KARS1: variants seen among roughly 807,000 people sequenced by gnomAD.
KARS1 encodes the protein lysyl-tRNA synthetase 1, also known as lysine--tRNA ligase.
Under a neutral mutation model 63.9 loss-of-function variants are expected in KARS1, and 50 were observed. The observed-to-expected ratio is 0.78, with a 90% CI of 0.62 to 0.99. The LOEUF (loss-of-function observed/expected upper bound fraction) is 0.99. Among genes scored for constraint, KARS1 ranks in the 50% least tolerant of loss-of-function variants. The probability of loss-of-function intolerance (pLI) is 0.00; values close to 1 mark genes in which losing one functional copy is unlikely to be tolerated. For missense variants in KARS1, 816 were observed against 754.5 expected (o/e 1.08, Z -0.95); for synonymous variants, 320 against 264.6 (o/e 1.21, Z -2.03).
chr16:75,640,293 G>C lies in KARS1; in HGVS notation c.279C>G (p.Asp93Glu). Residue 93 changes from aspartate to glutamate, a missense_variant, in exon 3 of 14, where the codon GAC (aspartate) becomes GAG (glutamate). Transcript: ENST00000302445. ...CTACATGGAACTTGTGTGGGTATGGGTCTTCCCCATTGACCTTCAGCTGAT... is the reference window on the plus strand; with the variant it reads ...CTACATGGAACTTGTGTGGGTATGGCTCTTCCCCATTGACCTTCAGCTGAT... The part of the protein sequence containing the change: ...AIHQLKVNGE[D>E]PYPHKFHVDI... The C allele has an allele frequency of 6.2e-7, 1 of 1,613,102 alleles. No homozygotes were observed. The highest frequency in any genetic ancestry group is 2.2e-5 in the East Asian group (1 of 44,796).
At chr16:75,633,691 T>A (rs1272978265) in intron 7 of KARS1, among the ~76,000 whole-genome samples, 1 of 152,130 alleles carries the variant, frequency 6.6e-6, no homozygotes, top group African/African-American at 2.4e-5. Context: ...CTAATTTTTG[T>A]ATTTTTGTAG....
chr16:75,633,299 T>C (rs947387924), intron 7 of KARS1, among the ~76,000 whole-genome samples: 5 of 152,196 alleles, frequency 3.3e-5, no homozygotes. Context: ...GTGTACGTTT[T>C]ATTCATCCAT....
At chr16:75,641,161 C>G (rs2082219661) in intron 2 of KARS1, among the ~76,000 whole-genome samples, 1 of 151,702 alleles carries the variant, frequency 6.6e-6, no homozygotes, top group African/African-American at 2.4e-5. Flanking sequence ...GAGACTTTGC[C>G]TCAAAAAAAC....
At chr16:75,640,059 T>TGAG (rs1455260165) in intron 3 of KARS1, 125 bp downstream of exon 3, 60 of 800,080 alleles carry the variant, frequency 7.5e-5, no homozygotes, top group Non-Finnish European at 1.1e-4. Context: ...GGCACTGTCC[T>TGAG]TAGTAAAGTA....
chr16:75,645,456 G>C (rs1239373219), intron 1 of KARS1, among the ~76,000 whole-genome samples: 1 of 152,184 alleles, frequency 6.6e-6, no homozygotes, highest in Non-Finnish European at 1.5e-5. Flanking sequence ...CTCTTGCAAG[G>C]TTATTACTGA....
intron 6 of KARS1, chr16:75,635,389 A>C (rs2082150978): frequency 2.8e-6 from 1 of 359,308 alleles, no homozygotes; most frequent in Non-Finnish European, 5.3e-6. Context: ...TTTCTCATAT[A>C]ATCAAAAAAT....
At chr16:75,630,005 C>T (rs1001523828) in intron 11 of KARS1, among the ~76,000 whole-genome samples, 3 of 152,230 alleles carry the variant, frequency 2.0e-5, no homozygotes, top group Non-Finnish European at 4.4e-5. Context: ...ATGGACCACA[C>T]CTCTTGCATT....
chr16:75,633,795 G>A (rs1218670119), intron 7 of KARS1, among the ~76,000 whole-genome samples: 1 of 152,250 alleles, frequency 6.6e-6, no homozygotes, highest in Non-Finnish European at 1.5e-5. Flanking sequence ...GGGATTACAG[G>A]TGTGAGGCCC....
intron 2 of KARS1, among the ~76,000 whole-genome samples, chr16:75,640,635 T>C (rs925411652): frequency 1.3e-5 from 2 of 152,246 alleles, no homozygotes; most frequent in Admixed American, 6.5e-5. Context: ...GGTGGCCTTG[T>C]TGTCACTTTT....
intron 3 of KARS1, chr16:75,639,888 G>T: frequency 2.4e-6 from 1 of 416,878 alleles, no homozygotes; most frequent in South Asian, 2.8e-5. Flanking sequence ...AGCATTCTTA[G>T]GCCAAAGACT....
intron 1 of KARS1, among the ~76,000 whole-genome samples, chr16:75,643,366 T>C (rs1567504950): frequency 6.6e-6 from 1 of 152,074 alleles, no homozygotes; most frequent in Non-Finnish European, 1.5e-5. Context: ...AATTGAGGTT[T>C]TGAATCTTTC....
intron 2 of KARS1, 66 bp downstream of exon 2, chr16:75,641,498 A>C: frequency 7.0e-7 from 1 of 1,437,156 alleles, no homozygotes; most frequent in South Asian, 1.2e-5. Context: ...AGTCCCAAAG[A>C]ATCTGCCAGA....
At chr16:75,645,949 T>C (rs1309227749) in intron 1 of KARS1, among the ~76,000 whole-genome samples, 1 of 151,896 alleles carries the variant, frequency 6.6e-6, no homozygotes, top group East Asian at 1.9e-4. Flanking sequence ...ACCTGTGATA[T>C]ACAGTCCTAA....
At chr16:75,634,792 G>A (rs1194002303) in intron 6 of KARS1, among the ~76,000 whole-genome samples, 2 of 152,140 alleles carry the variant, frequency 1.3e-5, no homozygotes, top group Non-Finnish European at 2.9e-5. Flanking sequence ...AGCCAGGATG[G>A]TCTCGATCTC....
chr16:75,646,328 G>A (rs2082282773), intron 1 of KARS1, among the ~76,000 whole-genome samples: 1 of 152,124 alleles, frequency 6.6e-6, no homozygotes, highest in African/African-American at 2.4e-5. Flanking sequence ...GGATCACAAG[G>A]TAACGAGATT....
chr16:75,635,470 G>A, intron 6 of KARS1: 2 of 590,858 alleles, frequency 3.4e-6, no homozygotes, highest in Non-Finnish European at 6.1e-6. Flanking sequence ...GCATGTGGAT[G>A]GCCCTATACC....
intron 1 of KARS1, among the ~76,000 whole-genome samples, chr16:75,641,924 A>C (rs956555451): frequency 5.3e-5 from 8 of 152,160 alleles, no homozygotes; most frequent in African/African-American, 1.4e-4. Context: ...GGGAAAAATA[A>C]GCTTAGAACA....
intron 7 of KARS1, among the ~76,000 whole-genome samples, chr16:75,632,481 C>A (rs931074679): frequency 6.6e-6 from 1 of 152,232 alleles, no homozygotes; most frequent in African/African-American, 2.4e-5. Flanking sequence ...CAGTCAGATA[C>A]ACTTGTGAGA....
At chr16:75,637,548 G>C (rs998581606) in intron 3 of KARS1, among the ~76,000 whole-genome samples, 4 of 152,036 alleles carry the variant, frequency 2.6e-5, no homozygotes, top group African/African-American at 9.7e-5. Context: ...GGCCGAGGCA[G>C]GCAGATCACG....
Sources: gnomAD v4.1 joint callset for allele counts (sites outside exome capture counted in the v4.1 genomes callset) on GRCh38, gnomAD v4.1.1 for gene constraint, MANE v1.5 for transcripts, NCBI Gene and HGNC (gene_info 2026-07-23, HGNC 2026-07-21) for gene names.